NOS1: variants seen among roughly 807,000 people sequenced by gnomAD.
The protein encoded by NOS1 is nitric oxide synthase 1.
A neutral mutation model predicts 164.5 loss-of-function variants in NOS1; 51 were observed. The ratio of observed to expected loss-of-function variants is 0.31; its 90% CI spans 0.25 to 0.39. The LOEUF (loss-of-function observed/expected upper bound fraction) is 0.39. Ranked by LOEUF, NOS1 falls within the 10% of genes least tolerant of loss-of-function variation. The probability of loss-of-function intolerance (pLI) is 1.00; values close to 1 mark genes in which losing one functional copy is unlikely to be tolerated. For synonymous variants in NOS1, 719 were observed against 745.8 expected (o/e 0.96, Z 0.59); for missense variants, 1,362 against 1,885.6 (o/e 0.72, Z 5.14).
chr12:117,285,932 T>A (rs971907544), intron 6 of NOS1, among the ~76,000 whole-genome samples, 172 bp downstream of exon 6: 1 of 152,194 alleles, frequency 6.6e-6, no homozygotes, highest in African/African-American at 2.4e-5. Flanking sequence ...ATGATTATCA[T>A]CTAGAGCTGG....
Position 117,247,427 on chromosome 12 carries a change from C to T in NOS1, c.2744G>A (p.Arg915Lys). ...ATCCCCTTCCCTCATCTTCAGGATCCTCTCCCCTCCCAGTTCTTCCAGGAG... is the reference window on the plus strand; with the variant it reads ...ATCCCCTTCCCTCATCTTCAGGATCTTCTCCCCTCCCAGTTCTTCCAGGAG... The part of the protein sequence containing the change: ...DTLLEELGGE[R>K]ILKMREGDEL... The change falls in exon 18 of 29, where the codon AGG becomes AAG. Residue 915 changes from arginine (R) to lysine (K), a missense_variant. By Grantham distance (26) the Arg-to-Lys change is conservative. Transcript: ENST00000317775. The T allele has an allele frequency of 6.2e-7, 1 of 1,613,026 alleles. No individual in the cohort carries two copies. The highest frequency in any genetic ancestry group is 8.5e-7 in the Non-Finnish European group (1 of 1,179,668).
chr12:117,309,405 T>A (rs7298903), intron 3 of NOS1: 2 of 984,762 alleles, frequency 2.0e-6, no homozygotes, highest in African/African-American at 3.5e-5. Context: ...TGTCTCATCC[T>A]CCCCGCTGAA....
rs757032874 is a variant in NOS1 at position 117,243,453 on chromosome 12, C to A, written c.2824-18G>T. The A allele has an allele frequency of 1.9e-6, 3 of 1,612,712 alleles. No homozygotes were observed. The highest frequency in any genetic ancestry group is 2.5e-6 in the Non-Finnish European group (3 of 1,179,228). ...CAGGCTGCCTGTGGTGTACACAAGG[C>A]TTTCAGTGACCTCTTTCAGCCAAGC... On this transcript the variant is annotated intron_variant, in intron 18 of 28. Transcript: ENST00000317775. The surrounding 1 kb of genome is among the most constrained non-coding windows in gnomAD (Gnocchi z 4.3).
intron 1 of NOS1, among the ~76,000 whole-genome samples, chr12:117,336,098 G>A (rs1482128119): frequency 1.3e-5 from 2 of 152,190 alleles, no homozygotes; most frequent in Non-Finnish European, 2.9e-5. Context: ...GGGTCTAAGT[G>A]AGTGGTCAAT....
intron 3 of NOS1, among the ~76,000 whole-genome samples, chr12:117,296,693 T>C (rs951285353): frequency 1.3e-5 from 2 of 152,130 alleles, no homozygotes; most frequent in Admixed American, 6.5e-5. Flanking sequence ...TCTGTCCCTC[T>C]AGAGAACCCT....
intron 3 of NOS1, among the ~76,000 whole-genome samples, chr12:117,296,613 A>G (rs1873433810): frequency 6.6e-6 from 1 of 151,006 alleles, no homozygotes; most frequent in Admixed American, 6.6e-5. Context: ...CTATTGTGGG[A>G]CCTCACCTTG....
intron 13 of NOS1, among the ~76,000 whole-genome samples, chr12:117,262,494 AGAGAGAGAGAGAAGAGAGAG>A (rs1872010633): frequency 6.9e-6 from 1 of 145,584 alleles, no homozygotes; most frequent in Non-Finnish European, 1.5e-5. Context: ...AGGGGGAGAG[AGAGAGAGAGAGAAGAGAGAG>A]GAGAGAGAGA....
intron 3 of NOS1, among the ~76,000 whole-genome samples, chr12:117,296,978 C>A (rs1034107547): frequency 2.0e-5 from 3 of 152,206 alleles, no homozygotes; most frequent in African/African-American, 7.2e-5. Flanking sequence ...ACCCCCAGAA[C>A]TGTGAGCTGT....
chr12:117,298,184 G>A (rs1873555579), intron 3 of NOS1, among the ~76,000 whole-genome samples: 1 of 151,758 alleles, frequency 6.6e-6, no homozygotes, highest in African/African-American at 2.4e-5. Flanking sequence ...CCCATCTGGG[G>A]GAGATGGGAG....
rs1956467199 is a variant in NOS1, at chr12:117,208,221, T to C, written c.*7088A>G. 6.7e-6 allele frequency: 8 copies of C among 1,189,402 alleles called. No homozygotes were observed. Among genetic ancestry groups the C allele is most frequent in the Non-Finnish European group, 8.7e-6 (8 of 916,366 alleles). The allele number at this position is 1,189,402 out of a possible 1,614,324, so 73.7% of individuals were successfully genotyped here. A position where few individuals can be genotyped will look rare whatever the true frequency, so the allele number is the denominator to read the frequency against. ...TGTTGAATCCCATAAAATTGGAAGA[T>C]GAGAACTATACAGAAGAAGAGCATG... On this transcript the variant is annotated 3_prime_UTR_variant, in exon 29 of 29. Transcript: ENST00000317775.
At chr12:117,333,953 T>G (rs1411127754) in intron 1 of NOS1, among the ~76,000 whole-genome samples, 1 of 152,112 alleles carries the variant, frequency 6.6e-6, no homozygotes, top group African/African-American at 2.4e-5. Flanking sequence ...GAGCATCCCG[T>G]TTGGCATTAA....
At position 117,280,767 on chromosome 12, in the gene NOS1, G is replaced by A. The variant is rs181652902; in HGVS notation, c.1482C>T (p.Asp494=). ...LIRYAGYKQP[D]GSTLGDPANV... is the part of the protein sequence containing the mutation. ...TGGCTGGGTCCCCCAGGGTGGAGCC[G>A]TCAGGCTGCTTGTAGCCAGCGTAGC... Residue 494 remains aspartate, a synonymous_variant, in exon 8 of 29, where the codon GAC becomes GAT. Coordinates refer to ENST00000317775, the MANE Select transcript of NOS1 (RefSeq NM_000620.5). The A allele has an allele frequency of 1.9e-4, 307 of 1,614,164 alleles. 2 individuals are homozygous for A. The East Asian group carries it at 3.4e-3, about 18-fold the overall frequency.
At chr12:117,314,953 A>G (rs1451225853) in intron 2 of NOS1, among the ~76,000 whole-genome samples, 5 of 152,228 alleles carry the variant, frequency 3.3e-5, no homozygotes, top group Admixed American at 6.5e-5. Flanking sequence ...GCCAGAGGCT[A>G]CAGAGCAAGT....
chr12:117,213,501 G>T lies in NOS1; in HGVS notation c.*1808C>A. 1.0e-6 allele frequency: 1 copy of T among 985,386 alleles called. No individual in the cohort carries two copies. The highest frequency in any genetic ancestry group is 1.2e-6 in the Non-Finnish European group (1 of 829,912). The allele number at this position is 985,386 out of a possible 1,614,324, so 61.0% of individuals were successfully genotyped here. Reference sequence around the variant, plus strand: ...GTGGCAGGAACAGGACACCGGTGGGGGCTGCCAGGGATGGCAGAGCAAGGT... The same window carrying T: ...GTGGCAGGAACAGGACACCGGTGGGTGCTGCCAGGGATGGCAGAGCAAGGT... On this transcript the variant is annotated 3_prime_UTR_variant, in exon 29 of 29. Coordinates refer to ENST00000317775, the MANE Select transcript of NOS1 (RefSeq NM_000620.5).
intron 1 of NOS1, among the ~76,000 whole-genome samples, chr12:117,350,018 C>A (rs1390416009): frequency 6.6e-6 from 1 of 152,118 alleles, no homozygotes; most frequent in Non-Finnish European, 1.5e-5. Flanking sequence ...AGCCACCATG[C>A]CTGGCCGGCT....
Position 117,215,064 on chromosome 12 carries a change from G to T in NOS1, c.*245C>A. On this transcript the variant is annotated 3_prime_UTR_variant, in exon 29 of 29. Transcript: ENST00000317775. ...TGCCCTTGTCGGCAAGAGAGGGAGT[G>T]GGAACAGAGTTTTGTAAGAGCCACT... The T allele has an allele frequency of 8.3e-7, 1 of 1,210,934 alleles. No homozygotes were observed. Among genetic ancestry groups the T allele is most frequent in the Non-Finnish European group, 1.0e-6 (1 of 972,500 alleles). 75.0% of individuals were successfully genotyped at this position (1,210,934 alleles called of 1,614,324 possible). A position where few individuals can be genotyped will look rare whatever the true frequency, so the allele number is the denominator to read the frequency against.
At chr12:117,283,513 T>C (rs779433578) in intron 7 of NOS1, among the ~76,000 whole-genome samples, 4 of 152,174 alleles carry the variant, frequency 2.6e-5, no homozygotes, top group Admixed American at 6.5e-5. Flanking sequence ...GGTGCACTGC[T>C]GGGACTGGGG....
chr12:117,258,936 A>G, intron 15 of NOS1, 90 bp downstream of exon 15: 1 of 840,750 alleles, frequency 1.2e-6, no homozygotes, highest in Non-Finnish European at 2.0e-6. Context: ...TTTGCTACTG[A>G]ATAGCAGGTG....
intron 13 of NOS1, among the ~76,000 whole-genome samples, chr12:117,262,427 GGAGAGAGAGA>G (rs538563225): frequency 3.7e-5 from 5 of 133,348 alleles, no homozygotes; most frequent in Admixed American, 1.5e-4. Context: ...AGGGAGGGAG[GGAGAGAGAGA>G]GAGAGAGAGA....
Sources: allele counts gnomAD v4.1 joint callset (sites outside exome capture counted in the v4.1 genomes callset), GRCh38; gene constraint gnomAD v4.1.1; non-coding constraint Gnocchi (gnomAD v3.1); transcripts MANE v1.5; gene names NCBI Gene and HGNC (gene_info 2026-07-23, HGNC 2026-07-21).